USP32: variants seen among roughly 807,000 people sequenced by gnomAD.
USP32 encodes ubiquitin specific peptidase 32.
USP32 carries 59 observed loss-of-function variants against 204.8 expected under a neutral mutation model. The ratio of observed to expected loss-of-function variants is 0.29; its 90% CI spans 0.23 to 0.36. The LOEUF is 0.36. Ranked by LOEUF, USP32 falls within the 10% of genes least tolerant of loss-of-function variation. The pLI is 1.00. For missense variants in USP32, 1,160 were observed against 1,946.4 expected, an observed-to-expected ratio of 0.60 and a Z score of 7.60; for synonymous variants, 517 against 678.4, an observed-to-expected ratio of 0.76 and a Z score of 3.70.
rs191902463 is a variant in USP32 at position 60,321,568 on chromosome 17, T to C, written c.187-19864A>G. Among the ~76,000 whole-genome samples the C allele has an allele frequency of 4.7e-4, 72 of 152,232 alleles. 2 individuals are homozygous for C. The East Asian group carries it at 9.1e-3, about 19-fold the overall frequency. The stretch of plus-strand genomic sequence containing the variant: ...GGTACCATCAATCAGGTGAGACACA[T>C]TGGATATAGACAAAGGCTTTAGAAC... On this transcript the variant is annotated intron_variant, in intron 2 of 33. Coordinates refer to ENST00000300896, the MANE Select transcript of USP32 (RefSeq NM_032582.4).
At chr17:60,242,131 A>T (rs1418138876) in intron 11 of USP32, among the ~76,000 whole-genome samples, 1 of 152,210 alleles carries the variant, frequency 6.6e-6, no homozygotes, top group Non-Finnish European at 1.5e-5. Flanking sequence ...TTAAAGAGAC[A>T]GAATCTTGCT....
At chr17:60,376,232 A>C (rs941151395) in intron 1 of USP32, among the ~76,000 whole-genome samples, 3 of 151,732 alleles carry the variant, frequency 2.0e-5, no homozygotes, top group African/African-American at 7.3e-5. Flanking sequence ...TTTTATTTGT[A>C]TATCTAATTA....
intron 14 of USP32, among the ~76,000 whole-genome samples, chr17:60,223,032 A>G (rs2085295304): frequency 6.6e-6 from 1 of 152,184 alleles, no homozygotes; most frequent in Admixed American, 6.5e-5. Flanking sequence ...TTCAAAATAA[A>G]CTATGTAAGA....
intron 27 of USP32, among the ~76,000 whole-genome samples, chr17:60,197,558 CG>C (rs2084554386): frequency 6.6e-6 from 1 of 152,026 alleles, no homozygotes; most frequent in African/African-American, 2.4e-5. Flanking sequence ...AAGCCAGGAT[CG>C]TGCCATTGCA....
intron 2 of USP32, among the ~76,000 whole-genome samples, chr17:60,333,557 G>C (rs1344875192): frequency 6.6e-6 from 1 of 151,970 alleles, no homozygotes; most frequent in Admixed American, 6.6e-5. Context: ...CCAAGATTGT[G>C]CCACTGCACT....
intron 29 of USP32, among the ~76,000 whole-genome samples, chr17:60,190,276 G>T (rs867671075): frequency 8.5e-5 from 13 of 152,102 alleles, no homozygotes; most frequent in African/African-American, 1.4e-4. Flanking sequence ...CCAGGCTGCC[G>T]AACAGTAAGC....
chr17:60,219,693 T>C lies in USP32; in HGVS notation c.1844A>G (p.Gln615Arg). 1 of 1,611,580 alleles carries C rather than the reference T, an allele frequency of 6.2e-7. No individual in the cohort carries two copies. The highest frequency in any genetic ancestry group is 8.5e-7 in the Non-Finnish European group (1 of 1,178,894). The change falls in exon 16 of 34, where the codon CAG becomes CGG. Residue 615 changes from glutamine to arginine, a missense_variant. By Grantham distance (43) the Gln-to-Arg change is conservative. Around this residue, in one of 8 missense-constraint regions of USP32, gnomAD observed 37 missense variants for 62.6 expected, o/e 0.59. Transcript: ENST00000300896. Reference protein sequence around the residue: ...LRQQPATRTQQSNIWVNMGNV... With the variant: ...LRQQPATRTQRSNIWVNMGNV... ...ACCCATATTCACCCAGATGTTAGAC[T>C]GCTGTGTCCGAGTGGCAGGCTGCTG...
chr17:60,367,410 G>A (rs1362240043), intron 1 of USP32, among the ~76,000 whole-genome samples: 2 of 152,216 alleles, frequency 1.3e-5, no homozygotes, highest in Admixed American at 6.5e-5. Flanking sequence ...CCAGAGGGCT[G>A]AGGTGGGAGG....
rs1279401051 is a variant in USP32 at position 60,214,503 on chromosome 17, G to T, written c.2022+117C>A. 6 of 811,544 alleles carry T rather than the reference G, an allele frequency of 7.4e-6. No individual in the cohort carries two copies. In the East Asian group the frequency reaches 1.6e-4, roughly 22 times the overall value. 50.3% of individuals were successfully genotyped at this position (811,544 alleles called of 1,614,324 possible). ...ACACTTAATTAGCCTTGTGCTCTTT[G>T]GCAACATATGTACTAAAATTGGAAC... is the stretch of plus-strand genomic sequence containing the variant. On this transcript the variant is annotated intron_variant, in intron 17 of 33. Coordinates refer to ENST00000300896, the MANE Select transcript of USP32 (RefSeq NM_032582.4).
At chr17:60,269,326 A>G in intron 7 of USP32, 124 bp downstream of exon 7, 1 of 704,834 alleles carries the variant, frequency 1.4e-6, no homozygotes, top group Non-Finnish European at 2.3e-6. Context: ...CATGAGATTA[A>G]TATTTGTTAA....
chr17:60,407,781 CAAAAAAAAAAAAAA>C (rs750848462), intron 1 of USP32, among the ~76,000 whole-genome samples: 3 of 35,954 alleles, frequency 8.3e-5, no homozygotes, highest in Non-Finnish European at 1.6e-4. Context: ...GCCTCTGTCT[CAAAAAAAAAAAAAA>C]AAAAAAAAAA....
At chr17:60,370,686 C>T (rs939974509) in intron 1 of USP32, among the ~76,000 whole-genome samples, 2 of 149,286 alleles carry the variant, frequency 1.3e-5, no homozygotes, top group Non-Finnish European at 3.0e-5. Flanking sequence ...CCCTTAAGCC[C>T]GAGAGGTCGA....
intron 11 of USP32, among the ~76,000 whole-genome samples, chr17:60,250,563 T>C (rs568894922): frequency 6.6e-6 from 1 of 152,294 alleles, no homozygotes; most frequent in Admixed American, 6.5e-5. Context: ...TACGTTAATA[T>C]ATTTTAAAAT....
intron 1 of USP32, among the ~76,000 whole-genome samples, chr17:60,365,996 A>C (rs2089304106): frequency 1.3e-5 from 2 of 152,002 alleles, no homozygotes; most frequent in Admixed American, 1.3e-4. Context: ...TTGTTTTTTG[A>C]GACGGAGTTT....
intron 1 of USP32, among the ~76,000 whole-genome samples, chr17:60,363,267 C>A (rs550770743): frequency 6.6e-6 from 1 of 151,884 alleles, no homozygotes; most frequent in South Asian, 2.1e-4. Context: ...CCAGCCTAGG[C>A]AACACGATGA....
At chr17:60,402,603 A>G (rs1479884385) in intron 1 of USP32, among the ~76,000 whole-genome samples, 2 of 152,216 alleles carry the variant, frequency 1.3e-5, no homozygotes. Flanking sequence ...ATCACGTTCC[A>G]GCACAGTATG....
intron 1 of USP32, chr17:60,421,260 A>G (rs1392097610): frequency 1.4e-6 from 1 of 691,150 alleles, no homozygotes; most frequent in Non-Finnish European, 1.8e-6. Context: ...AACAACAACG[A>G]CAACAATAAC....
chr17:60,409,421 C>A (rs2090002541), intron 1 of USP32, among the ~76,000 whole-genome samples: 1 of 152,168 alleles, frequency 6.6e-6, no homozygotes, highest in African/African-American at 2.4e-5. Flanking sequence ...GCAGTGAGCC[C>A]ATTGATTGCT....
At chr17:60,237,376 A>G (rs529403758) in intron 11 of USP32, among the ~76,000 whole-genome samples, 1 of 151,896 alleles carries the variant, frequency 6.6e-6, no homozygotes, top group Admixed American at 6.6e-5. Flanking sequence ...TGAACTCCCA[A>G]AAGTGTTGGG....
Sources: allele counts gnomAD v4.1 joint callset (sites outside exome capture counted in the v4.1 genomes callset), GRCh38; gene constraint gnomAD v4.1.1; regional missense constraint gnomAD v4.1.1; transcripts MANE v1.5; gene names NCBI Gene and HGNC (gene_info 2026-07-23, HGNC 2026-07-21).